SKA3: variants seen among roughly 807,000 people sequenced by gnomAD.
SKA3 encodes the protein spindle and kinetochore-associated protein 3.
A neutral mutation model predicts 44.2 loss-of-function variants in SKA3; 39 were observed. The observed-to-expected ratio is 0.88, with a 90% confidence interval of 0.68 to 1.15. SKA3 has a LOEUF of 1.15. Among genes scored for constraint, SKA3 ranks in the 50% most tolerant of loss-of-function variants. The pLI is 0.00. For synonymous variants in SKA3, 192 were observed against 172.0 expected, an observed-to-expected ratio of 1.12 and a Z score of -0.91; for missense variants, 511 against 485.8, an observed-to-expected ratio of 1.05 and a Z score of -0.49.
rs760654135 is a variant in SKA3 at position 21,158,008 on chromosome 13, A to G, written c.1033T>C (p.Ser345Pro). Residue 345 changes from serine to proline, a missense_variant, in exon 7 of 9, where the codon TCT becomes CCT. By Grantham distance (74) the Ser-to-Pro change is moderately conservative. Coordinates refer to ENST00000314759, the MANE Select transcript of SKA3 (RefSeq NM_145061.6). ...DTCFENLTDP[S>P]SPTISSYENL... ...TCATAAGAAGAAATCGTAGGTGAAG[A>G]GGGATCTGTTAAATTCTCAAAGCAT... is the stretch of plus-strand genomic sequence containing the variant. The G allele has an allele frequency of 6.2e-7, 1 of 1,613,490 alleles. No homozygotes were observed. Among genetic ancestry groups the G allele is most frequent in the South Asian group, 1.1e-5 (1 of 91,072 alleles).
intron 5 of SKA3, among the ~76,000 whole-genome samples, chr13:21,160,467 A>C (rs539726724): frequency 6.6e-6 from 1 of 152,308 alleles, no homozygotes; most frequent in African/African-American, 2.4e-5. Flanking sequence ...ATATATAGAC[A>C]ATTGCTATCT....
intron 1 of SKA3, among the ~76,000 whole-genome samples, chr13:21,173,839 T>C (rs1871239958): frequency 6.6e-6 from 1 of 152,212 alleles, no homozygotes; most frequent in African/African-American, 2.4e-5. Flanking sequence ...GGTACCAACG[T>C]ATTCATATTT....
chr13:21,173,088 T>C (rs1871161819), intron 1 of SKA3, among the ~76,000 whole-genome samples: 1 of 152,168 alleles, frequency 6.6e-6, no homozygotes, highest in African/African-American at 2.4e-5. Context: ...ATAACATACA[T>C]ACTGAAAAGC....
Position 21,170,079 on chromosome 13 carries a change from A to G in SKA3, c.332-1680T>C, listed in dbSNP as rs375738535. On this transcript the variant is annotated intron_variant, in intron 3 of 8. Transcript: ENST00000314759. Reference sequence around the variant, plus strand: ...GACTGCTATATAAAGATAAGTTTGTATCCTTAGTCTGGAACACCTATATAA... The same window carrying G: ...GACTGCTATATAAAGATAAGTTTGTGTCCTTAGTCTGGAACACCTATATAA... Among the ~76,000 whole-genome samples, 20 of 152,324 alleles carry G rather than the reference A, an allele frequency of 1.3e-4. No individual in the cohort carries two copies. In the South Asian group the frequency reaches 4.1e-3, roughly 32 times the overall value.
intron 4 of SKA3, 60 bp downstream of exon 4, chr13:21,167,926 ATC>A (rs1448100299): frequency 8.6e-7 from 1 of 1,161,890 alleles, no homozygotes; most frequent in African/African-American, 1.6e-5. Flanking sequence ...TGGAAAAAAA[ATC>A]AATAAATACA....
At chr13:21,164,451 G>T (rs1870598343) in intron 4 of SKA3, among the ~76,000 whole-genome samples, 1 of 152,164 alleles carries the variant, frequency 6.6e-6, no homozygotes, top group Admixed American at 6.5e-5. Context: ...ATTTACCTAG[G>T]TAAAAGGTTT....
intron 4 of SKA3, among the ~76,000 whole-genome samples, chr13:21,166,504 C>T (rs151255274): frequency 0.03 from 4,577 of 152,204 alleles, 225 homozygotes; most frequent in African/African-American, 0.1. Context: ...GAGGCCGAGG[C>T]AGGTGGATCA....
chr13:21,156,749 C>T (rs1870140809), intron 7 of SKA3, among the ~76,000 whole-genome samples: 1 of 152,212 alleles, frequency 6.6e-6, no homozygotes, highest in East Asian at 1.9e-4. Flanking sequence ...AGGAAGACTT[C>T]TAGAATGGCT....
chr13:21,161,755 A>T, intron 5 of SKA3, 35 bp downstream of exon 5: 1 of 1,120,998 alleles, frequency 8.9e-7, no homozygotes, highest in Non-Finnish European at 1.2e-6. Context: ...TTTGGGAAAA[A>T]TGTTCCTGAG....
rs752743231 is a variant in SKA3 at position 21,155,675 on chromosome 13, C to G, written c.1238+18G>C. The G allele has an allele frequency of 9.7e-7, 1 of 1,034,448 alleles. No individual in the cohort carries two copies. Among genetic ancestry groups the G allele is most frequent in the South Asian group, 1.9e-5 (1 of 53,174 alleles). The allele number at this position is 1,034,448 out of a possible 1,614,324, so 64.1% of individuals were successfully genotyped here. A position where few individuals can be genotyped will look rare whatever the true frequency, so the allele number is the denominator to read the frequency against. ...TCAAATAACACATGAACTTTCTTTA[C>G]AAAGGTAACATACTCACCAGTTTTC... On this transcript the variant is annotated intron_variant, in intron 8 of 8. Transcript: ENST00000314759.
intron 1 of SKA3, among the ~76,000 whole-genome samples, chr13:21,174,595 G>C (rs907606465): frequency 9.2e-5 from 14 of 152,212 alleles, no homozygotes; most frequent in South Asian, 4.2e-4. Context: ...GTGAGGGAAG[G>C]GGGGAGGGAT....
chr13:21,173,551 C>T (rs1871207832), intron 1 of SKA3, among the ~76,000 whole-genome samples: 1 of 152,210 alleles, frequency 6.6e-6, no homozygotes. Context: ...GCCACTGCAC[C>T]CAGCCACCTT....
At position 21,168,331 on chromosome 13, in the gene SKA3, C is replaced by T. The variant is rs139263356; in HGVS notation, c.400G>A (p.Val134Met). The change falls in exon 4 of 9, where the codon GTG becomes ATG. Residue 134 changes from valine (V) to methionine (M), a missense_variant. Transcript: ENST00000314759. The part of the protein sequence containing the change: ...SNCENFQKTD[V>M]KDDLSDPPVA... ...GGAGGATCAGACAGATCATCTTTCA[C>T]ATCAGTCTTCTGAAAATTTTCACAA... 1.9e-6 allele frequency: 3 copies of T among 1,614,066 alleles called. No homozygotes were observed. The highest frequency in any genetic ancestry group is 2.5e-6 in the Non-Finnish European group (3 of 1,179,962).
chr13:21,176,335 G>A (rs1672397228), intron 1 of SKA3, 40 bp downstream of exon 1: 4 of 1,261,930 alleles, frequency 3.2e-6, no homozygotes, highest in Admixed American at 2.7e-5. Context: ...CGCCCGCGGC[G>A]CACCCCACGC....
At chr13:21,168,549 C>CCCTGTCTCAATAA in intron 3 of SKA3, 150 bp from the exon 4 acceptor site, 1 of 751,882 alleles carries the variant, frequency 1.3e-6, no homozygotes, top group Non-Finnish European at 2.1e-6. Flanking sequence ...TTTATTGAGA[C>CCCTGTCTCAATAA]AGGGTCTCGC....
At chr13:21,158,442 G>A (rs1257818107) in intron 6 of SKA3, among the ~76,000 whole-genome samples, 1 of 148,460 alleles carries the variant, frequency 6.7e-6, no homozygotes, top group Non-Finnish European at 1.5e-5. Context: ...CCAACATGGT[G>A]AAACCCCATC....
In SKA3 at chr13:21,172,370, A is replaced by G; in HGVS notation, c.300T>C (p.Tyr100=). ...IMKIREYFQK[Y]GYSPRVKKNS... ...TTTTCTTGACACGTGGACTATATCC[A>G]TACTTCTGGAAATACTCTCTTATTT... Residue 100 remains tyrosine (Y), a synonymous_variant, in exon 3 of 9, where the codon TAT becomes TAC. Transcript: ENST00000314759. 1 of 1,579,306 alleles carries G rather than the reference A, an allele frequency of 6.3e-7. No individual in the cohort carries two copies.
Position 21,155,026 on chromosome 13 carries a change from G to C in SKA3, c.*124C>G. On this transcript the variant is annotated 3_prime_UTR_variant, in exon 9 of 9. Transcript: ENST00000314759. ...TATTATGATGTTAATGTTCATGTTTGTCTTTAAAATGGGTCAACGTTTAAA... is the reference window on the plus strand; with the variant it reads ...TATTATGATGTTAATGTTCATGTTTCTCTTTAAAATGGGTCAACGTTTAAA... The C allele has an allele frequency of 6.8e-7, 1 of 1,464,420 alleles. No individual in the cohort carries two copies. Among genetic ancestry groups the C allele is most frequent in the Non-Finnish European group, 9.4e-7 (1 of 1,062,900 alleles). 90.7% of individuals were successfully genotyped at this position (1,464,420 alleles called of 1,614,324 possible).
At position 21,154,482 on chromosome 13, in the gene SKA3, A is replaced by G. The variant is rs1196889356; in HGVS notation, c.*668T>C. 6.5e-6 allele frequency: 1 copy of G among 153,230 alleles called. No homozygotes were observed. The highest frequency in any genetic ancestry group is 1.5e-5 in the Non-Finnish European group (1 of 68,790). 9.5% of individuals were successfully genotyped at this position (153,230 alleles called of 1,614,324 possible). A position where few individuals can be genotyped will look rare whatever the true frequency, so the allele number is the denominator to read the frequency against. ...AGCGTGAGAGGTCAGCTGCCATGTG[A>G]TAGAAAGAGCTGACATAAGAGAAAA... On this transcript the variant is annotated 3_prime_UTR_variant, in exon 9 of 9. Coordinates refer to ENST00000314759, the MANE Select transcript of SKA3 (RefSeq NM_145061.6).
Sources: gnomAD v4.1 joint callset for allele counts (sites outside exome capture counted in the v4.1 genomes callset) on GRCh38, gnomAD v4.1.1 for gene constraint, MANE v1.5 for transcripts, NCBI Gene and HGNC (gene_info 2026-07-23, HGNC 2026-07-21) for gene names.